Variants in VAV3 observed in about 807,000 individuals in gnomAD.
The protein encoded by VAV3 is guanine nucleotide exchange factor VAV3.
A neutral mutation model predicts 131.2 loss-of-function variants in VAV3; 94 were observed. That is an observed-to-expected ratio of 0.72 (90% CI 0.61 to 0.85). The LOEUF (loss-of-function observed/expected upper bound fraction) is 0.85, where lower values mean the gene tolerates loss of function less well. Ranked by LOEUF, VAV3 falls within the 40% of genes least tolerant of loss-of-function variation. The pLI, the probability that VAV3 is intolerant of heterozygous loss-of-function variation, is 0.00. For synonymous variants in VAV3, 349 were observed against 342.0 expected (o/e 1.02, Z -0.22); for missense variants, 939 against 1,002.7 (o/e 0.94, Z 0.86).
intron 1 of VAV3, among the ~76,000 whole-genome samples, chr1:107,925,933 T>C (rs931741821): frequency 2.0e-5 from 3 of 150,730 alleles, no homozygotes; most frequent in African/African-American, 7.3e-5. Flanking sequence ...TACGTATATA[T>C]AAACAGAGAT....
chr1:107,655,782 T>C (rs1656505244), intron 19 of VAV3, among the ~76,000 whole-genome samples: 1 of 152,104 alleles, frequency 6.6e-6, no homozygotes, highest in Non-Finnish European at 1.5e-5. Context: ...AATTTAAAAA[T>C]GAGCTAAAGA....
intron 2 of VAV3, among the ~76,000 whole-genome samples, chr1:107,841,005 T>C (rs1046769203): frequency 6.6e-6 from 1 of 152,042 alleles, no homozygotes; most frequent in Non-Finnish European, 1.5e-5. Context: ...ACTACTGCCA[T>C]GGTCTTAGCT....
intron 19 of VAV3, chr1:107,673,475 T>G (rs1657968122): frequency 1.3e-5 from 2 of 152,348 alleles, no homozygotes; most frequent in Non-Finnish European, 2.9e-5. Flanking sequence ...TGTTGATCCC[T>G]GCTCATATCC....
At chr1:107,706,883 A>C (rs1355265969) in intron 15 of VAV3, among the ~76,000 whole-genome samples, 2 of 152,204 alleles carry the variant, frequency 1.3e-5, no homozygotes. Flanking sequence ...CAAACAGGTA[A>C]GAAGTTAATT....
intron 1 of VAV3, among the ~76,000 whole-genome samples, chr1:107,957,835 G>A (rs1674889915): frequency 6.6e-6 from 1 of 150,880 alleles, no homozygotes; most frequent in Non-Finnish European, 1.5e-5. Flanking sequence ...ATCTATACTA[G>A]ATCAACCCCA....
At chr1:107,870,341 AG>A (rs1670196734) in intron 2 of VAV3, among the ~76,000 whole-genome samples, 1 of 152,156 alleles carries the variant, frequency 6.6e-6, no homozygotes, top group East Asian at 1.9e-4. Flanking sequence ...TGCAGGAGTA[AG>A]GTGGTATTCC....
intron 25 of VAV3, among the ~76,000 whole-genome samples, chr1:107,595,311 T>A (rs965849440): frequency 1.3e-5 from 2 of 152,148 alleles, no homozygotes; most frequent in Admixed American, 6.5e-5. Flanking sequence ...TCACTGATGT[T>A]GTTGAAACCC....
chr1:107,767,155 T>C (rs1048714349), intron 7 of VAV3, among the ~76,000 whole-genome samples: 2 of 152,194 alleles, frequency 1.3e-5, no homozygotes, highest in African/African-American at 4.8e-5. Context: ...ACTAAATTAC[T>C]TGAAATCAGG....
intron 2 of VAV3, among the ~76,000 whole-genome samples, chr1:107,832,273 C>G (rs1325008394): frequency 3.3e-5 from 5 of 152,238 alleles, no homozygotes; most frequent in Admixed American, 2.0e-4. Flanking sequence ...AAAGATGTCT[C>G]TCTCCTTCAG....
chr1:107,912,283 T>G (rs921814372), intron 1 of VAV3, among the ~76,000 whole-genome samples: 1 of 152,254 alleles, frequency 6.6e-6, no homozygotes, highest in Admixed American at 6.5e-5. Flanking sequence ...TAATGCTTTG[T>G]TGCTTTGTAA....
At chr1:107,806,409 T>C (rs1384443336) in intron 2 of VAV3, among the ~76,000 whole-genome samples, 1 of 147,176 alleles carries the variant, frequency 6.8e-6, no homozygotes, top group African/African-American at 2.5e-5. Context: ...TCATACTGAG[T>C]TCTGGGATAT....
chr1:107,699,973 G>A (rs537585499), intron 17 of VAV3, among the ~76,000 whole-genome samples: 1 of 152,254 alleles, frequency 6.6e-6, no homozygotes, highest in South Asian at 2.1e-4. Context: ...ACACACCAAA[G>A]GTTATGAGGC....
chr1:107,882,131 C>A (rs1670811505), intron 1 of VAV3, among the ~76,000 whole-genome samples: 1 of 152,120 alleles, frequency 6.6e-6, no homozygotes, highest in South Asian at 2.1e-4. Flanking sequence ...ATCTCTACAG[C>A]TTATTGTGAG....
chr1:107,888,272 T>C (rs1482673437), intron 1 of VAV3, among the ~76,000 whole-genome samples: 1 of 152,178 alleles, frequency 6.6e-6, no homozygotes, highest in Non-Finnish European at 1.5e-5. Flanking sequence ...AAAGTTGGCC[T>C]ATATAATTTC....
intron 17 of VAV3, among the ~76,000 whole-genome samples, chr1:107,700,799 C>T (rs182772401): frequency 7.3e-4 from 111 of 152,242 alleles, no homozygotes; most frequent in African/African-American, 2.6e-3. Flanking sequence ...GATTTCTATT[C>T]CTCTGGGTAT....
chr1:107,884,075 C>T (rs571528287), intron 1 of VAV3, among the ~76,000 whole-genome samples: 1 of 151,400 alleles, frequency 6.6e-6, no homozygotes, highest in African/African-American at 2.4e-5. Flanking sequence ...AAGAAAGTAG[C>T]ACTCAACTAT....
intron 25 of VAV3, among the ~76,000 whole-genome samples, chr1:107,595,480 A>G (rs866959029): frequency 2.6e-5 from 4 of 152,302 alleles, no homozygotes; most frequent in Middle Eastern, 3.4e-3. Flanking sequence ...TTCTTCCCCA[A>G]AACACTTATT....
At chr1:107,782,382 T>G (rs909362984) in intron 2 of VAV3, among the ~76,000 whole-genome samples, 1 of 152,190 alleles carries the variant, frequency 6.6e-6, no homozygotes, top group African/African-American at 2.4e-5. Context: ...ATTTTTTTCA[T>G]GAGTGTCCAC....
At chr1:107,893,904 GA>G (rs1313204631) in intron 1 of VAV3, among the ~76,000 whole-genome samples, 5 of 152,134 alleles carry the variant, frequency 3.3e-5, no homozygotes, top group Admixed American at 6.5e-5. Flanking sequence ...CCCAAAATAG[GA>G]AAACTCTTTC....
Sources: allele counts gnomAD v4.1 joint callset (sites outside exome capture counted in the v4.1 genomes callset), GRCh38; gene constraint gnomAD v4.1.1; transcripts MANE v1.5; gene names NCBI Gene and HGNC (gene_info 2026-07-23, HGNC 2026-07-21).